Variants in RALGAPA1 observed in about 807,000 individuals in gnomAD.
RALGAPA1 encodes the protein Ral GTPase activating protein catalytic subunit alpha 1, also known as ral GTPase-activating protein subunit alpha-1.
RALGAPA1 carries 52 observed loss-of-function variants against 269.6 expected under a neutral mutation model. That is an observed-to-expected ratio of 0.19 (90% CI 0.15 to 0.24). RALGAPA1 has a LOEUF of 0.24. Among genes scored for constraint, RALGAPA1 ranks in the 10% least tolerant of loss-of-function variants. The probability of loss-of-function intolerance (pLI) is 1.00; values close to 1 mark genes in which losing one functional copy is unlikely to be tolerated. For synonymous variants in RALGAPA1, 817 were observed against 1,008.3 expected (o/e 0.81, Z 3.60); for missense variants, 1,917 against 3,013.9 (o/e 0.64, Z 8.52).
At chr14:35,572,784 T>C in intron 37 of RALGAPA1, 66 bp from the exon 38 acceptor site, 1 of 1,166,548 alleles carries the variant, frequency 8.6e-7, no homozygotes, top group Non-Finnish European at 1.2e-6. Flanking sequence ...TACAGTCACA[T>C]ACAACATAAA....
intron 12 of RALGAPA1, among the ~76,000 whole-genome samples, chr14:35,734,827 C>T (rs141377247): frequency 3.9e-5 from 6 of 152,088 alleles, no homozygotes; most frequent in Admixed American, 3.3e-4. Context: ...TATCCAGAAT[C>T]TACAATGAAT....
At position 35,683,776 on chromosome 14, in the gene RALGAPA1, A is replaced by G. The variant is rs775786687; in HGVS notation, c.4471+33T>C. The G allele has an allele frequency of 1.2e-5, 18 of 1,501,846 alleles. No individual in the cohort carries two copies. In the South Asian group the frequency reaches 2.4e-4, roughly 20 times the overall value. The allele number at this position is 1,501,846 out of a possible 1,614,324, so 93.0% of individuals were successfully genotyped here. A position where few individuals can be genotyped will look rare whatever the true frequency, so the allele number is the denominator to read the frequency against. On this transcript the variant is annotated intron_variant, in intron 21 of 41. Transcript: ENST00000680220. ...AATTCTTTGAAGGCTTAAAAAATAC[A>G]TTTAAGAAACACATTCCCATGAATA... is the stretch of plus-strand genomic sequence containing the variant.
intron 36 of RALGAPA1, among the ~76,000 whole-genome samples, chr14:35,602,733 C>T (rs1042797125): frequency 6.6e-6 from 1 of 152,108 alleles, no homozygotes; most frequent in Non-Finnish European, 1.5e-5. Flanking sequence ...CCTTGAAGCA[C>T]AAAAATTTTA....
intron 41 of RALGAPA1, among the ~76,000 whole-genome samples, chr14:35,542,690 T>C (rs770316769): frequency 2.0e-5 from 3 of 152,212 alleles, no homozygotes; most frequent in Non-Finnish European, 4.4e-5. Flanking sequence ...TCATAAAGAA[T>C]GCTGATTTAT....
chr14:35,620,801 T>G (rs1195736831), intron 35 of RALGAPA1, among the ~76,000 whole-genome samples: 4 of 152,196 alleles, frequency 2.6e-5, no homozygotes, highest in African/African-American at 9.6e-5. Flanking sequence ...GAATCCAACT[T>G]ACAATGGATG....
intron 31 of RALGAPA1, among the ~76,000 whole-genome samples, chr14:35,637,554 G>A (rs2061741859): frequency 2.0e-5 from 3 of 152,094 alleles, no homozygotes; most frequent in Admixed American, 2.0e-4. Context: ...GAAGAAAAAA[G>A]AATAAAACAC....
At position 35,808,827 on chromosome 14, in the gene RALGAPA1, G is replaced by A. The variant is rs201397207; in HGVS notation, c.9C>T (p.Ser3=). 1.3e-4 allele frequency: 212 copies of A among 1,609,854 alleles called. No individual in the cohort carries two copies. The Middle Eastern group carries it at 2.3e-3, about 18-fold the overall frequency. Residue 3 remains serine (S), a synonymous_variant, in exon 1 of 42, where the codon TCC becomes TCT. Coordinates refer to ENST00000680220, the MANE Select transcript of RALGAPA1 (RefSeq NM_001346249.2). The part of the protein sequence containing the change: MF[S]KKPHGDVKKS... ...TCTTCACGTCCCCGTGCGGCTTCTT[G>A]GAGAACATCCTGTCGCTGCCACTGC...
intron 7 of RALGAPA1, among the ~76,000 whole-genome samples, chr14:35,753,787 T>C (rs1346026524): frequency 2.0e-5 from 3 of 152,172 alleles, no homozygotes; most frequent in Admixed American, 2.0e-4. Flanking sequence ...GTGAATACAC[T>C]TAAAACACAC....
At chr14:35,702,509 C>T (rs2067438177) in intron 16 of RALGAPA1, among the ~76,000 whole-genome samples, 1 of 152,068 alleles carries the variant, frequency 6.6e-6, no homozygotes, top group Non-Finnish European at 1.5e-5. Flanking sequence ...CAGAATCTCA[C>T]CCTATTCCAG....
intron 24 of RALGAPA1, among the ~76,000 whole-genome samples, 160 bp downstream of exon 24, chr14:35,674,020 A>G (rs2064731874): frequency 6.6e-6 from 1 of 152,220 alleles, no homozygotes. Context: ...TAATTTTAGT[A>G]TGCACATTCT....
intron 6 of RALGAPA1, among the ~76,000 whole-genome samples, chr14:35,760,105 C>T (rs973583452): frequency 2.0e-5 from 3 of 152,030 alleles, no homozygotes; most frequent in African/African-American, 7.2e-5. Flanking sequence ...AAATAAAACA[C>T]ACTTGTACTT....
intron 11 of RALGAPA1, among the ~76,000 whole-genome samples, chr14:35,741,614 A>C (rs979799554): frequency 3.9e-5 from 6 of 152,224 alleles, no homozygotes; most frequent in African/African-American, 1.4e-4. Flanking sequence ...ATTCCTATCT[A>C]GATTTAGCAA....
intron 35 of RALGAPA1, among the ~76,000 whole-genome samples, chr14:35,617,423 G>C (rs917457343): frequency 2.0e-5 from 3 of 152,090 alleles, no homozygotes; most frequent in African/African-American, 7.2e-5. Flanking sequence ...TTCGAGACCA[G>C]CTTGGCCAAT....
At position 35,688,703 on chromosome 14, in the gene RALGAPA1, G is replaced by T. The variant is rs2066196999; in HGVS notation, c.3708C>A (p.Thr1236=). ...KTVKESTEIP[T]TILQKEGIAS... is the part of the protein sequence containing the mutation. ...CAATTCCTTCTTTTTGTAATATGGTGGTGGGAATCTCTGTGGATTCCTTCA... is the reference window on the plus strand; with the variant it reads ...CAATTCCTTCTTTTTGTAATATGGTTGTGGGAATCTCTGTGGATTCCTTCA... Residue 1236 remains threonine (T), a synonymous_variant, in exon 18 of 42, where the codon ACC becomes ACA. Transcript: ENST00000680220. The T allele has an allele frequency of 3.4e-6, 5 of 1,478,212 alleles. No homozygotes were observed. The African/African-American group carries it at 5.6e-5, about 17-fold the overall frequency. 91.6% of individuals were successfully genotyped at this position (1,478,212 alleles called of 1,614,324 possible).
intron 28 of RALGAPA1, 39 bp from the exon 29 acceptor site, chr14:35,655,954 A>C: frequency 6.2e-7 from 1 of 1,611,752 alleles, no homozygotes; most frequent in Non-Finnish European, 8.5e-7. Flanking sequence ...CATAAAATGA[A>C]ACCACCACCA....
intron 21 of RALGAPA1, among the ~76,000 whole-genome samples, chr14:35,682,449 C>T (rs778919726): frequency 2.2e-4 from 33 of 151,920 alleles, no homozygotes; most frequent in African/African-American, 6.8e-4. Flanking sequence ...TATACGCGCC[C>T]GCCACCACGC....
chr14:35,689,243 A>G lies in RALGAPA1; in HGVS notation c.3168T>C (p.Asp1056=), dbSNP rs1485931376. The G allele has an allele frequency of 8.1e-7, 1 of 1,232,090 alleles. No individual in the cohort carries two copies. The highest frequency in any genetic ancestry group is 1.6e-5 in the African/African-American group (1 of 64,356). The allele number at this position is 1,232,090 out of a possible 1,614,324, so 76.3% of individuals were successfully genotyped here. ...TGTACAGATGTTTCCTTTTTTCTTT[A>G]TCACAAGGGCTATCTAAACTAGGCT... ...PSEPSLDSPC[D]KEKRKHLYRQ... Residue 1056 remains aspartate, a synonymous_variant, in exon 18 of 42, where the codon GAT becomes GAC. Transcript: ENST00000680220.
chr14:35,678,249 A>G, intron 21 of RALGAPA1, 147 bp from the exon 22 acceptor site: 1 of 651,294 alleles, frequency 1.5e-6, no homozygotes, highest in Non-Finnish European at 2.5e-6. Flanking sequence ...GAAAATCATA[A>G]TATTATACAA....
chr14:35,768,931 C>G (rs35571658), intron 4 of RALGAPA1, among the ~76,000 whole-genome samples: 1 of 134,968 alleles, frequency 7.4e-6, no homozygotes, highest in Non-Finnish European at 1.5e-5. Context: ...TCGCTTGAAT[C>G]TGGGAGGCGG....
Sources: gnomAD v4.1 joint callset for allele counts (sites outside exome capture counted in the v4.1 genomes callset) on GRCh38, gnomAD v4.1.1 for gene constraint, MANE v1.5 for transcripts, NCBI Gene and HGNC (gene_info 2026-07-23, HGNC 2026-07-21) for gene names.